The following CFHR2 variants were observed in gnomAD, a reference collection of about 807,000 sequenced individuals.
CFHR2 encodes the protein complement factor H related 2, also known as complement factor H-related protein 2.
CFHR2 carries 22 observed loss-of-function variants against 21.7 expected under a neutral mutation model. That is an observed-to-expected ratio of 1.01 (90% CI 0.72 to 1.45). CFHR2 has a LOEUF of 1.45. Ranked by LOEUF, CFHR2 falls within the 40% of genes most tolerant of loss-of-function variation. CFHR2 has a pLI of 0.00. For missense variants in CFHR2, 294 were observed against 293.3 expected (o/e 1.00, Z -0.02); for synonymous variants, 98 against 97.4 (o/e 1.01, Z -0.04).
Position 196,958,061 on chromosome 1 carries a change from C to T in CFHR2, c.601C>T (p.Pro201Ser). 6.2e-7 allele frequency: 1 copy of T among 1,613,222 alleles called. No individual in the cohort carries two copies. The highest frequency in any genetic ancestry group is 8.5e-7 in the Non-Finnish European group (1 of 1,179,418). ...TCRNGQWSEP[P>S]KCLDPCVISQ... ...TAGAAACGGACAATGGTCAGAACCA[C>T]CAAAATGCTTAGGTAAGTACTTTAA... The change falls in exon 4 of 5, where the codon CCA (proline) becomes TCA (serine). Residue 201 changes from proline to serine, a missense_variant. Physicochemically the swap from Pro to Ser is moderately conservative, Grantham distance 74. Transcript: ENST00000367415.
At chr1:196,958,754 G>A (rs1238770604) in intron 4 of CFHR2, 127 bp from the exon 5 acceptor site, 4 of 617,700 alleles carry the variant, frequency 6.5e-6, no homozygotes, top group East Asian at 2.8e-5. Context: ...TGTTTTTACA[G>A]CATTAGTTTG....
At chr1:196,953,752 GCAAT>G (rs1338635428) in intron 3 of CFHR2, among the ~76,000 whole-genome samples, 2 of 152,098 alleles carry the variant, frequency 1.3e-5, no homozygotes, top group African/African-American at 4.8e-5. Context: ...TGAGTAAACT[GCAAT>G]CAAACCATTA....
intron 3 of CFHR2, among the ~76,000 whole-genome samples, chr1:196,955,807 A>C (rs1166040347): frequency 1.3e-5 from 2 of 152,162 alleles, no homozygotes; most frequent in Admixed American, 1.3e-4. Context: ...AGATAGTGCC[A>C]CTGTACTGCA....
In CFHR2 at chr1:196,949,596, G is replaced by A. The variant is rs1274876698; in HGVS notation, c.200G>A (p.Trp67Ter). The A allele has an allele frequency of 2.5e-6, 4 of 1,613,958 alleles. No individual in the cohort carries two copies. In the South Asian group the frequency reaches 4.4e-5, roughly 18 times the overall value. ...YNFVSPSKSF[W>*]TRITCAEEGW... is the part of the protein sequence containing the mutation. ...TTTGTGTCTCCTTCAAAATCCTTTT[G>A]GACTCGCATAACGTGCGCAGAAGAA... Residue 67 changes from tryptophan (W) to a stop codon, truncating the protein, a stop_gained, in exon 2 of 5, where the codon TGG (tryptophan) becomes TAG (stop). Transcript: ENST00000367415. LOFTEE classifies it high-confidence loss of function.
chr1:196,955,514 C>T (rs1652835000), intron 3 of CFHR2, among the ~76,000 whole-genome samples: 1 of 152,148 alleles, frequency 6.6e-6, no homozygotes. Context: ...TCCACTGTCA[C>T]ACTGCTATAA....
chr1:196,948,721 G>C (rs1257014375), intron 1 of CFHR2, among the ~76,000 whole-genome samples: 8 of 151,144 alleles, frequency 5.3e-5, no homozygotes, highest in Non-Finnish European at 1.0e-4. Context: ...GAATATTTTT[G>C]ATCTGCAGTT....
At position 196,958,145 on chromosome 1, in the gene CFHR2, T is replaced by C. The variant is rs565154134; in HGVS notation, c.613+72T>C. 194 of 1,458,046 alleles carry C rather than the reference T, an allele frequency of 1.3e-4. 1 individual carries two copies. The South Asian group carries it at 2.2e-3, about 17-fold the overall frequency. 90.3% of individuals were successfully genotyped at this position (1,458,046 alleles called of 1,614,324 possible). ...GAGTCTGATATTTCACTGTTTGTAA[T>C]AGAATTTTCACAGATTAACAAACAA... is the stretch of plus-strand genomic sequence containing the variant. On this transcript the variant is annotated intron_variant, in intron 4 of 4. Coordinates refer to ENST00000367415, the MANE Select transcript of CFHR2 (RefSeq NM_005666.4).
intron 1 of CFHR2, among the ~76,000 whole-genome samples, chr1:196,944,511 A>C (rs150719281): frequency 0.15 from 23,137 of 151,248 alleles, 726 homozygotes; most frequent in Middle Eastern, 0.28. Context: ...AGAATGAAGT[A>C]ATGTATCACC....
rs193043772 is a variant in CFHR2 at position 196,949,099 on chromosome 1, G to A, written c.59-356G>A. Among the ~76,000 whole-genome samples, 1,158 of 152,240 alleles carry A rather than the reference G, an allele frequency of 7.6e-3. 17 individuals carry two copies. The highest frequency in any genetic ancestry group is 0.027 in the African/African-American group (1,106 of 41,552). The stretch of plus-strand genomic sequence containing the variant: ...TAAATTGAGAGCTAAGAACAACCCT[G>A]TCACTCCTCTACTGTATACTAAGTA... On this transcript the variant is annotated intron_variant, in intron 1 of 4. Transcript: ENST00000367415.
At chr1:196,955,478 C>A (rs933418919) in intron 3 of CFHR2, among the ~76,000 whole-genome samples, 4 of 152,156 alleles carry the variant, frequency 2.6e-5, no homozygotes, top group Admixed American at 6.6e-5. Context: ...TATAGCAGTG[C>A]CCCCTGTACC....
chr1:196,951,279 G>A (rs1368071385), intron 3 of CFHR2, among the ~76,000 whole-genome samples: 1 of 152,130 alleles, frequency 6.6e-6, no homozygotes, highest in Non-Finnish European at 1.5e-5. Context: ...ATCCCTTGAA[G>A]TTTAAGTAAT....
At chr1:196,952,436 C>T (rs1652650567) in intron 3 of CFHR2, among the ~76,000 whole-genome samples, 1 of 151,996 alleles carries the variant, frequency 6.6e-6, no homozygotes, top group Non-Finnish European at 1.5e-5. Flanking sequence ...GTTATGAATA[C>T]CAGAAAATTG....
intron 1 of CFHR2, among the ~76,000 whole-genome samples, chr1:196,948,068 ATTGT>A (rs1002069082): frequency 2.0e-5 from 3 of 152,130 alleles, no homozygotes; most frequent in African/African-American, 4.8e-5. Context: ...CATTTTCTAC[ATTGT>A]TTTAATTTTT....
At chr1:196,949,827 T>C (rs1659659360) in intron 2 of CFHR2, among the ~76,000 whole-genome samples, 178 bp downstream of exon 2, 2 of 152,218 alleles carry the variant, frequency 1.3e-5, no homozygotes, top group African/African-American at 4.8e-5. Flanking sequence ...AGAATAAATA[T>C]GTCAACTGTC....
Position 196,949,328 on chromosome 1 carries a change from AGCATTTAAGCTAAAG to A in CFHR2, c.59-112_59-98del, listed in dbSNP as rs1318846195. ...TTCATTCCTAATTTGGACACTGGAG[AGCATTTAAGCTAAAG>A]GCATTTAAGCTAAATGAAAGAAAAA... On this transcript the variant is annotated intron_variant, in intron 1 of 4. Transcript: ENST00000367415. 8.1e-6 allele frequency: 7 copies of A among 859,392 alleles called. No homozygotes were observed. In the Admixed American group the frequency reaches 1.7e-4, roughly 21 times the overall value. The allele number at this position is 859,392 out of a possible 1,614,324, so 53.2% of individuals were successfully genotyped here.
chr1:196,958,849 A>T, intron 4 of CFHR2, 32 bp from the exon 5 acceptor site: 1 of 1,381,638 alleles, frequency 7.2e-7, no homozygotes, highest in South Asian at 1.2e-5. Context: ...CATACTACTT[A>T]ATGTTTTATG....
intron 1 of CFHR2, among the ~76,000 whole-genome samples, chr1:196,948,238 T>C (rs1325536189): frequency 6.6e-6 from 1 of 152,070 alleles, no homozygotes; most frequent in Non-Finnish European, 1.5e-5. Context: ...TATTTGTATA[T>C]AACCTGTGTA....
chr1:196,952,768 A>G (rs1652669682), intron 3 of CFHR2, among the ~76,000 whole-genome samples: 1 of 152,236 alleles, frequency 6.6e-6, no homozygotes, highest in South Asian at 2.1e-4. Context: ...GGTTCCATTC[A>G]GTGGGTAATG....
rs747108019 is a variant in CFHR2, at chr1:196,959,103, A to G, written c.*23A>G. ...TAGAATCAATGGCATTACTATTAGT[A>G]AAATGCACACCTTTTTCTGAATTTA... On this transcript the variant is annotated 3_prime_UTR_variant, in exon 5 of 5. Coordinates refer to ENST00000367415, the MANE Select transcript of CFHR2 (RefSeq NM_005666.4). The G allele has an allele frequency of 1.4e-6, 2 of 1,445,756 alleles. No homozygotes were observed. Among genetic ancestry groups the G allele is most frequent in the Non-Finnish European group, 1.9e-6 (2 of 1,043,166 alleles). The allele number at this position is 1,445,756 out of a possible 1,614,324, so 89.6% of individuals were successfully genotyped here.
Sources: gnomAD v4.1 joint callset for allele counts (sites outside exome capture counted in the v4.1 genomes callset) on GRCh38, gnomAD v4.1.1 for gene constraint, MANE v1.5 for transcripts, NCBI Gene and HGNC (gene_info 2026-07-23, HGNC 2026-07-21) for gene names.